The following GNAS variants were observed in gnomAD, a reference collection of about 807,000 sequenced individuals.
GNAS encodes the protein protein ALEX.
In GNAS, 8 loss-of-function variants were observed where a neutral mutation model predicts 54.5. That is an observed-to-expected ratio of 0.15 (90% CI 0.09 to 0.26). GNAS has a LOEUF of 0.26. Among genes scored for constraint, GNAS ranks in the 10% least tolerant of loss-of-function variants. GNAS has a pLI of 1.00. For missense variants in GNAS, 170 were observed against 529.8 expected (o/e 0.32, Z 6.67); for synonymous variants, 204 against 191.4 (o/e 1.07, Z -0.54).
Position 58,909,098 on chromosome 20 carries a change from A to C in GNAS, c.531-64A>C. The C allele has an allele frequency of 7.2e-7, 1 of 1,389,554 alleles. No individual in the cohort carries two copies. The highest frequency in any genetic ancestry group is 1.0e-6 in the Non-Finnish European group (1 of 975,490). The allele number at this position is 1,389,554 out of a possible 1,614,324, so 86.1% of individuals were successfully genotyped here. On this transcript the variant is annotated intron_variant, in intron 6 of 12. Transcript: ENST00000371085. The surrounding 1 kb of genome is among the most constrained non-coding windows in gnomAD (Gnocchi z 7.3). ...GTTGAGCCTGACCTTGTAGAGAGACACAAATAGTTGGCAAATTGATGTGAG... is the reference window on the plus strand; with the variant it reads ...GTTGAGCCTGACCTTGTAGAGAGACCCAAATAGTTGGCAAATTGATGTGAG...
In GNAS at chr20:58,891,648, G is replaced by A. The variant is rs2089346236; in HGVS notation, c.-79G>A. 2 of 962,532 alleles carry A rather than the reference G, an allele frequency of 2.1e-6. No homozygotes were observed. Among genetic ancestry groups the A allele is most frequent in the Non-Finnish European group, 2.4e-6 (2 of 819,952 alleles). 59.6% of individuals were successfully genotyped at this position (962,532 alleles called of 1,614,324 possible). A position where few individuals can be genotyped will look rare whatever the true frequency, so the allele number is the denominator to read the frequency against. On this transcript the variant is annotated 5_prime_UTR_variant, in exon 1 of 13. Transcript: ENST00000371085. ...CGGCCCGCCCGCCCGGCGCTGCCCCGGCCCTCCCGGCCCGCGTGAGGCCGC... is the reference window on the plus strand; with the variant it reads ...CGGCCCGCCCGCCCGGCGCTGCCCCAGCCCTCCCGGCCCGCGTGAGGCCGC...
chr20:58,895,549 A>G, intron 1 of GNAS, 63 bp from the exon 2 acceptor site: 1 of 961,574 alleles, frequency 1.0e-6, no homozygotes, highest in Non-Finnish European at 1.7e-6. Flanking sequence ...ACAACAGCAG[A>G]CCTCCCTGCC....
At chr20:58,889,243 C>T (rs2088864732), upstream of GNAS, 17 of 1,158,840 alleles carry the variant, frequency 1.5e-5, no homozygotes, top group Non-Finnish European at 1.7e-5. Flanking sequence ...CTCCCCTGCT[C>T]TCTGGCTCCG....
At chr20:58,859,346 G>T (rs776904399) in intron 1 of GNAS, among the ~76,000 whole-genome samples, 1 of 152,060 alleles carries the variant, frequency 6.6e-6, no homozygotes, top group Non-Finnish European at 1.5e-5. Context: ...GATTACAAGC[G>T]TGTGCCACCA....
intron 1 of GNAS, among the ~76,000 whole-genome samples, chr20:58,877,700 G>A (rs922850600): frequency 2.6e-5 from 4 of 152,178 alleles, no homozygotes; most frequent in African/African-American, 9.7e-5. Context: ...GATGTTAAGA[G>A]GCTACAGTCA....
At chr20:58,872,782 C>T (rs1039109495) in intron 1 of GNAS, among the ~76,000 whole-genome samples, 32 of 152,162 alleles carry the variant, frequency 2.1e-4, no homozygotes, top group African/African-American at 6.3e-4. Flanking sequence ...CAGCCAGATG[C>T]AAATCACAAG....
chr20:58,869,434 C>A (rs542448289), intron 1 of GNAS, among the ~76,000 whole-genome samples: 86 of 152,176 alleles, frequency 5.7e-4, no homozygotes, highest in African/African-American at 2.0e-3. Flanking sequence ...TCCCAATCAC[C>A]GGGAGAATCT....
At chr20:58,889,170 G>A (rs1279691906), upstream of GNAS, 8 of 1,215,374 alleles carry the variant, frequency 6.6e-6, no homozygotes, top group African/African-American at 1.6e-5. Context: ...GCTCCCCGGC[G>A]GGGACACTCA....
chr20:58,846,376 G>C (rs1421638502), intron 1 of GNAS, among the ~76,000 whole-genome samples: 3 of 152,192 alleles, frequency 2.0e-5, no homozygotes, highest in Non-Finnish European at 4.4e-5. Context: ...ATATGGCATT[G>C]GAGGGCTACC....
intron 1 of GNAS, among the ~76,000 whole-genome samples, chr20:58,845,735 C>T (rs1257707855): frequency 6.6e-6 from 1 of 152,172 alleles, no homozygotes; most frequent in Non-Finnish European, 1.5e-5. Context: ...CTGGTCCAAG[C>T]ACTAGTGGCC....
chr20:58,907,585 T>G (rs1461300820), intron 6 of GNAS, among the ~76,000 whole-genome samples: 1 of 152,238 alleles, frequency 6.6e-6, no homozygotes, highest in Non-Finnish European at 1.5e-5. Context: ...AGCCAGATTG[T>G]TGAATTTTGT....
intron 1 of GNAS, chr20:58,854,802 G>C (rs1218634241): frequency 6.3e-7 from 1 of 1,583,284 alleles, no homozygotes. Flanking sequence ...AGTCCGCCGG[G>C]CGGCCTCTGC....
intron 1 of GNAS, among the ~76,000 whole-genome samples, chr20:58,845,292 T>G (rs1426026412): frequency 6.6e-6 from 1 of 152,242 alleles, no homozygotes; most frequent in Non-Finnish European, 1.5e-5. Flanking sequence ...CTACAGCTAT[T>G]TGAGATAAAC....
chr20:58,859,358 G>A (rs2086662222), intron 1 of GNAS, among the ~76,000 whole-genome samples: 1 of 152,066 alleles, frequency 6.6e-6, no homozygotes, highest in Non-Finnish European at 1.5e-5. Flanking sequence ...GTGCCACCAT[G>A]CCTGGCTAAT....
chr20:58,840,856 G>T lies in GNAS; in HGVS notation c.13G>T (p.Val5Phe), dbSNP rs78536121. 2 of 1,612,780 alleles carry T rather than the reference G, an allele frequency of 1.2e-6. No individual in the cohort carries two copies. Among genetic ancestry groups the T allele is most frequent in the South Asian group, 2.2e-5 (2 of 91,076 alleles). Residue 5 changes from valine (V) to phenylalanine (F), a missense_variant, in exon 1 of 13, where the codon GTC becomes TTC. Val to Phe is a conservative substitution (Grantham distance 50, BLOSUM62 -1). Coordinates refer to the GNAS transcript ENST00000306090. The surrounding 1 kb of genome is among the most constrained non-coding windows in gnomAD (Gnocchi z 6.0). ...TCCGGCGTCACTAATGGAGGACGCC[G>T]TCCAGATTCTCCTTGTTTTCATGGA...
chr20:58,839,845 G>A (rs2085653877), upstream of GNAS: 1 of 595,478 alleles, frequency 1.7e-6, no homozygotes, highest in Non-Finnish European at 3.0e-6. Context: ...GAGCCCGGGA[G>A]GAGACAGAAC....
chr20:58,854,190 T>G, intron 1 of GNAS: 1 of 1,613,082 alleles, frequency 6.2e-7, no homozygotes, highest in Non-Finnish European at 8.5e-7. Context: ...CGGACCCCCG[T>G]TCGAGATTGG....
chr20:58,854,192 C>T lies in GNAS; in HGVS notation c.43+13306C>T, dbSNP rs777431088. ...GGATGGAGATCTCCGGACCCCCGTT[C>T]GAGATTGGCAGCGCCCCCGCTGGGG... On this transcript the variant is annotated intron_variant, in intron 1 of 12. Coordinates refer to the GNAS transcript ENST00000306090. 9.3e-6 allele frequency: 15 copies of T among 1,613,118 alleles called. No individual in the cohort carries two copies. In the East Asian group the frequency reaches 2.5e-4, roughly 26 times the overall value.
At chr20:58,861,093 A>T (rs2086759240) in intron 1 of GNAS, among the ~76,000 whole-genome samples, 1 of 152,106 alleles carries the variant, frequency 6.6e-6, no homozygotes, top group Admixed American at 6.5e-5. Flanking sequence ...CTTACCCCCA[A>T]CCCCAGCAAA....
Sources: allele counts gnomAD v4.1 joint callset (sites outside exome capture counted in the v4.1 genomes callset), GRCh38; gene constraint gnomAD v4.1.1; non-coding constraint Gnocchi (gnomAD v3.1); transcripts MANE v1.5; gene names NCBI Gene and HGNC (gene_info 2026-07-23, HGNC 2026-07-21).